The following FAM110B variants were observed in gnomAD, a reference collection of about 807,000 sequenced individuals.
The protein encoded by FAM110B is family with sequence similarity 110 member B, also known as protein FAM110B.
In FAM110B, 6 loss-of-function variants were observed where a neutral mutation model predicts 20.4. The observed-to-expected ratio is 0.29, with a 90% CI of 0.16 to 0.58. The LOEUF (loss-of-function observed/expected upper bound fraction) is 0.58, where lower values mean the gene tolerates loss of function less well. Ranked by LOEUF, FAM110B falls within the 20% of genes least tolerant of loss-of-function variation. The pLI, the probability that FAM110B is intolerant of heterozygous loss-of-function variation, is 0.90. For synonymous variants in FAM110B, 226 were observed against 214.1 expected, an observed-to-expected ratio of 1.06 and a Z score of -0.49; for missense variants, 434 against 498.2, an observed-to-expected ratio of 0.87 and a Z score of 1.23.
intron 1 of FAM110B, among the ~76,000 whole-genome samples, chr8:58,027,586 C>A (rs773152049): frequency 6.6e-6 from 1 of 152,112 alleles, no homozygotes; most frequent in Non-Finnish European, 1.5e-5. Context: ...TTCTGTCGGG[C>A]GTCTTTGCAG....
At chr8:58,053,767 G>A (rs1250166019) in intron 2 of FAM110B, among the ~76,000 whole-genome samples, 2 of 152,070 alleles carry the variant, frequency 1.3e-5, no homozygotes, top group Admixed American at 6.5e-5. Flanking sequence ...AACTTAAAAT[G>A]TTTTTCTATT....
intron 3 of FAM110B, among the ~76,000 whole-genome samples, chr8:58,099,766 C>A (rs993172087): frequency 1.3e-5 from 2 of 151,926 alleles, no homozygotes; most frequent in Non-Finnish European, 2.9e-5. Context: ...TCACCTATGT[C>A]TTTTTTAGGT....
chr8:58,016,734 T>A (rs1271515861), intron 1 of FAM110B, among the ~76,000 whole-genome samples: 1 of 152,176 alleles, frequency 6.6e-6, no homozygotes, highest in Non-Finnish European at 1.5e-5. Context: ...GAGCTCATGA[T>A]GCACCAGAGA....
chr8:58,055,788 C>T (rs947217834), intron 2 of FAM110B, among the ~76,000 whole-genome samples: 2 of 152,232 alleles, frequency 1.3e-5, no homozygotes, highest in African/African-American at 4.8e-5. Flanking sequence ...TCAGCATTGA[C>T]ACCTGTTCAT....
At chr8:58,101,503 AT>A (rs566486778) in intron 3 of FAM110B, among the ~76,000 whole-genome samples, 46 of 152,304 alleles carry the variant, frequency 3.0e-4, no homozygotes, top group African/African-American at 4.1e-4. Flanking sequence ...CTCTCTAAAC[AT>A]TTTTTTAAAA....
chr8:58,043,414 A>G (rs753611137), intron 2 of FAM110B: 18 of 152,152 alleles, frequency 1.2e-4, no homozygotes, highest in Non-Finnish European at 2.1e-4. Flanking sequence ...CCTGTTAATC[A>G]AGAGCCTTCA....
intron 3 of FAM110B, among the ~76,000 whole-genome samples, chr8:58,115,534 C>G (rs1316055351): frequency 6.6e-6 from 1 of 152,156 alleles, no homozygotes; most frequent in Non-Finnish European, 1.5e-5. Flanking sequence ...GCTGGGACTT[C>G]AGGCACATGC....
chr8:58,047,168 T>C (rs1341973507), intron 2 of FAM110B, among the ~76,000 whole-genome samples: 2 of 152,210 alleles, frequency 1.3e-5, no homozygotes, highest in Non-Finnish European at 2.9e-5. Flanking sequence ...TGCTTTCCTA[T>C]GAAAACAGTG....
At chr8:58,040,088 G>A (rs577157102) in intron 2 of FAM110B, among the ~76,000 whole-genome samples, 2 of 152,024 alleles carry the variant, frequency 1.3e-5, no homozygotes, top group African/African-American at 4.8e-5. Context: ...CTGACCTCAG[G>A]CGATCCTCCC....
chr8:58,060,900 C>A (rs1805644355), intron 2 of FAM110B, among the ~76,000 whole-genome samples: 1 of 152,128 alleles, frequency 6.6e-6, no homozygotes, highest in Non-Finnish European at 1.5e-5. Flanking sequence ...CCCACCATGA[C>A]TGATGGAAGA....
At chr8:58,129,074 G>A (rs1259297990) in intron 3 of FAM110B, among the ~76,000 whole-genome samples, 4 of 152,154 alleles carry the variant, frequency 2.6e-5, no homozygotes, top group Non-Finnish European at 4.4e-5. Flanking sequence ...AAAAGACTCC[G>A]TCTATCTTTA....
At chr8:58,112,569 A>G (rs543954068) in intron 3 of FAM110B, among the ~76,000 whole-genome samples, 8 of 152,282 alleles carry the variant, frequency 5.3e-5, no homozygotes, top group Non-Finnish European at 8.8e-5. Flanking sequence ...ACTTTTCCAC[A>G]GTGCAAGATG....
chr8:58,147,369 T>C lies in FAM110B; in HGVS notation c.*26T>C, dbSNP rs1214218815. 1.3e-6 allele frequency: 2 copies of C among 1,596,190 alleles called. No homozygotes were observed. Among genetic ancestry groups the C allele is most frequent in the Admixed American group, 3.4e-5 (2 of 59,142 alleles). On this transcript the variant is annotated 3_prime_UTR_variant, in exon 4 of 4. Transcript: ENST00000519262. ...GACAGTGCGTGGAAAGGAGGGAGCGTGGGTCTCTGTGCTTACGCAGTTGTG... is the reference window on the plus strand; with the variant it reads ...GACAGTGCGTGGAAAGGAGGGAGCGCGGGTCTCTGTGCTTACGCAGTTGTG...
intron 2 of FAM110B, among the ~76,000 whole-genome samples, chr8:58,054,550 C>T (rs946434006): frequency 3.3e-5 from 5 of 152,102 alleles, no homozygotes; most frequent in African/African-American, 7.2e-5. Context: ...CAGTTATAAC[C>T]GTTTAAACAA....
chr8:57,999,131 G>A (rs1327272233), intron 1 of FAM110B, among the ~76,000 whole-genome samples: 1 of 152,190 alleles, frequency 6.6e-6, no homozygotes, highest in African/African-American at 2.4e-5. Context: ...GATAAAAATA[G>A]TGAACATGTG....
intron 2 of FAM110B, among the ~76,000 whole-genome samples, chr8:58,064,029 A>C (rs1372884075): frequency 6.6e-6 from 1 of 152,194 alleles, no homozygotes; most frequent in Non-Finnish European, 1.5e-5. Flanking sequence ...GGCACATCTT[A>C]TATGGCTGGT....
chr8:58,123,383 C>T (rs1331234303), intron 3 of FAM110B, among the ~76,000 whole-genome samples: 1 of 152,202 alleles, frequency 6.6e-6, no homozygotes, highest in Non-Finnish European at 1.5e-5. Context: ...ATGATTGCCA[C>T]CGTCCTGTGA....
At position 58,130,119 on chromosome 8, in the gene FAM110B, G is replaced by A. The variant is rs919479774; in HGVS notation, c.-324-15788G>A. ...CCCCTCTAAAATTTCTTGAACAGAT[G>A]TTAAGTCTACCTCTGCATGAAGCAT... is the stretch of plus-strand genomic sequence containing the variant. On this transcript the variant is annotated intron_variant, in intron 3 of 3. Transcript: ENST00000519262. Among the ~76,000 whole-genome samples, 11 of 152,264 alleles carry A rather than the reference G, an allele frequency of 7.2e-5. No individual in the cohort carries two copies. In the East Asian group the frequency reaches 1.9e-3, roughly 27 times the overall value.
chr8:58,133,467 C>A (rs1803533874), intron 3 of FAM110B, among the ~76,000 whole-genome samples: 1 of 152,254 alleles, frequency 6.6e-6, no homozygotes, highest in South Asian at 2.1e-4. Context: ...GAAGGAGGGT[C>A]AGTACCACCA....
Sources: gnomAD v4.1 joint callset for allele counts (sites outside exome capture counted in the v4.1 genomes callset) on GRCh38, gnomAD v4.1.1 for gene constraint, MANE v1.5 for transcripts, NCBI Gene and HGNC (gene_info 2026-07-23, HGNC 2026-07-21) for gene names.